Variants in CSMD3 observed in about 807,000 individuals in gnomAD.
CSMD3 encodes the protein CUB and Sushi multiple domains 3.
A neutral mutation model predicts 435.2 loss-of-function variants in CSMD3; 177 were observed. The observed-to-expected ratio is 0.41, with a 90% CI of 0.36 to 0.46. The LOEUF (loss-of-function observed/expected upper bound fraction) is 0.46. CSMD3 is among the 20% of genes least tolerant of loss of function. CSMD3 has a pLI of 0.34. For synonymous variants in CSMD3, 1,656 were observed against 1,520.5 expected, an observed-to-expected ratio of 1.09 and a Z score of -2.07; for missense variants, 4,265 against 4,504.6, an observed-to-expected ratio of 0.95 and a Z score of 1.52.
At chr8:113,326,360 G>GT (rs11292821) in intron 1 of CSMD3, among the ~76,000 whole-genome samples, 7 of 151,434 alleles carry the variant, frequency 4.6e-5, no homozygotes, top group Admixed American at 2.0e-4. Flanking sequence ...ATTATTTCTA[G>GT]TTTTTTTTCC....
At chr8:112,861,722 C>T (rs111834718) in intron 10 of CSMD3, among the ~76,000 whole-genome samples, 9 of 151,858 alleles carry the variant, frequency 5.9e-5, no homozygotes, top group African/African-American at 1.7e-4. Context: ...AGGAATGTAG[C>T]GTGAAAGAGT....
chr8:112,568,445 A>G (rs559741462), intron 24 of CSMD3, among the ~76,000 whole-genome samples: 8 of 152,160 alleles, frequency 5.3e-5, no homozygotes, highest in African/African-American at 1.7e-4. Flanking sequence ...ATACAAAAAA[A>G]TTAGCCAGGC....
At chr8:113,081,692 G>A (rs923843558) in intron 5 of CSMD3, among the ~76,000 whole-genome samples, 1 of 151,936 alleles carries the variant, frequency 6.6e-6, no homozygotes, top group African/African-American at 2.4e-5. Context: ...GATACTCCCC[G>A]CATCTCAAAA....
At chr8:112,822,336 G>A (rs2132439993) in intron 12 of CSMD3, among the ~76,000 whole-genome samples, 1 of 152,076 alleles carries the variant, frequency 6.6e-6, no homozygotes, top group South Asian at 2.1e-4. Flanking sequence ...CTTGTGCAGT[G>A]GTTTGTAGTT....
intron 5 of CSMD3, among the ~76,000 whole-genome samples, chr8:113,097,057 C>T (rs2090185630): frequency 6.6e-6 from 1 of 152,012 alleles, no homozygotes; most frequent in Non-Finnish European, 1.5e-5. Flanking sequence ...GTCATGTCAC[C>T]TCCCTAGATC....
chr8:112,807,388 G>C (rs774089674), intron 12 of CSMD3, among the ~76,000 whole-genome samples: 8 of 152,148 alleles, frequency 5.3e-5, no homozygotes, highest in Non-Finnish European at 1.0e-4. Flanking sequence ...TGTATGCTAT[G>C]ATGACCTCTT....
At chr8:112,829,049 G>GA (rs974357149) in intron 12 of CSMD3, among the ~76,000 whole-genome samples, 39 of 143,012 alleles carry the variant, frequency 2.7e-4, no homozygotes, top group African/African-American at 8.3e-4. Context: ...AAAAGGAAAA[G>GA]AAAAAAAAAG....
chr8:112,973,584 T>A (rs2084739310), intron 7 of CSMD3, among the ~76,000 whole-genome samples: 1 of 151,934 alleles, frequency 6.6e-6, no homozygotes, highest in Non-Finnish European at 1.5e-5. Flanking sequence ...TAATACTAGT[T>A]AGATGTCAGC....
At chr8:112,764,860 G>A (rs569499611) in intron 13 of CSMD3, among the ~76,000 whole-genome samples, 23 of 151,660 alleles carry the variant, frequency 1.5e-4, no homozygotes, top group Non-Finnish European at 3.0e-4. Flanking sequence ...TAGACTCTGG[G>A]AAGTGTAGTG....
At chr8:112,887,185 G>A (rs2081625862) in intron 10 of CSMD3, among the ~76,000 whole-genome samples, 1 of 145,540 alleles carries the variant, frequency 6.9e-6, no homozygotes, top group African/African-American at 2.6e-5. Context: ...AGTGTTTGTT[G>A]TTACAATTAT....
At chr8:112,602,440 C>T (rs1202395407) in intron 22 of CSMD3, among the ~76,000 whole-genome samples, 2 of 151,780 alleles carry the variant, frequency 1.3e-5, no homozygotes, top group East Asian at 3.9e-4. Flanking sequence ...GTGGCGGGTG[C>T]CTGTAATCCC....
intron 4 of CSMD3, among the ~76,000 whole-genome samples, chr8:113,168,483 T>C (rs544036750): frequency 8.6e-6 from 1 of 116,076 alleles, no homozygotes; most frequent in African/African-American, 3.4e-5. Flanking sequence ...ATCGTGCCAC[T>C]GCACTCCAGC....
chr8:113,361,122 C>T (rs17682275), intron 1 of CSMD3, among the ~76,000 whole-genome samples: 14,986 of 152,140 alleles, frequency 0.099, 856 homozygotes, highest in Middle Eastern at 0.16. Flanking sequence ...CATCTGCTGG[C>T]TTTTGATTTC....
chr8:112,792,330 T>C (rs949984669), intron 13 of CSMD3, among the ~76,000 whole-genome samples: 2 of 152,100 alleles, frequency 1.3e-5, no homozygotes, highest in Non-Finnish European at 2.9e-5. Flanking sequence ...GCCAGAATAG[T>C]TGGGTTCTGG....
At chr8:112,669,011 A>ATATTAT (rs755813911) in intron 16 of CSMD3, among the ~76,000 whole-genome samples, 2 of 151,664 alleles carry the variant, frequency 1.3e-5, no homozygotes, top group African/African-American at 2.4e-5. Flanking sequence ...AAACCTAAAA[A>ATATTAT]TATTATTATT....
At chr8:112,879,067 G>A (rs1299858695) in intron 10 of CSMD3, among the ~76,000 whole-genome samples, 2 of 152,076 alleles carry the variant, frequency 1.3e-5, no homozygotes, top group East Asian at 3.9e-4. Context: ...CAGGGAACAG[G>A]GGAGATAACG....
rs546895069 is a variant in CSMD3 at position 112,785,237 on chromosome 8, A to G, written c.1972+14925T>C. On this transcript the variant is annotated intron_variant, in intron 13 of 70. Coordinates refer to ENST00000297405, the MANE Select transcript of CSMD3 (RefSeq NM_198123.2). Reference sequence around the variant, plus strand: ...CCTTTCATGATAAAAACCCACAAAAATGAGTATAGAAGGAACATACATCAA... The same window carrying G: ...CCTTTCATGATAAAAACCCACAAAAGTGAGTATAGAAGGAACATACATCAA... Among the ~76,000 whole-genome samples, 6 of 152,130 alleles carry G rather than the reference A, an allele frequency of 3.9e-5. No homozygotes were observed. The South Asian group carries it at 1.0e-3, about 26-fold the overall frequency.
chr8:112,425,225 G>C (rs763211741), intron 32 of CSMD3, among the ~76,000 whole-genome samples: 3 of 152,122 alleles, frequency 2.0e-5, no homozygotes, highest in Non-Finnish European at 4.4e-5. Context: ...GAAAAGCTTT[G>C]TGAAAGAGTC....
intron 6 of CSMD3, among the ~76,000 whole-genome samples, chr8:113,007,576 T>C (rs2086102780): frequency 6.6e-6 from 1 of 151,912 alleles, no homozygotes; most frequent in South Asian, 2.1e-4. Flanking sequence ...CCTCAAGAAC[T>C]GTAAGATATA....
Sources: gnomAD v4.1 joint callset for allele counts (sites outside exome capture counted in the v4.1 genomes callset) on GRCh38, gnomAD v4.1.1 for gene constraint, MANE v1.5 for transcripts, NCBI Gene and HGNC (gene_info 2026-07-23, HGNC 2026-07-21) for gene names.